The following MYO10 variants were observed in gnomAD, a reference collection of about 807,000 sequenced individuals.
The protein encoded by MYO10 is myosin X, also known as unconventional myosin-X.
A neutral mutation model predicts 257.3 loss-of-function variants in MYO10; 133 were observed. The ratio of observed to expected loss-of-function variants is 0.52; its 90% CI spans 0.45 to 0.60. The LOEUF (loss-of-function observed/expected upper bound fraction) is 0.60, where lower values mean the gene tolerates loss of function less well. Among genes scored for constraint, MYO10 ranks in the 20% least tolerant of loss-of-function variants. The probability of loss-of-function intolerance (pLI) is 0.00; values close to 1 mark genes in which losing one functional copy is unlikely to be tolerated. For missense variants in MYO10, 2,399 were observed against 2,635.7 expected (o/e 0.91, Z 1.97); for synonymous variants, 1,104 against 1,028.6 (o/e 1.07, Z -1.40).
chr5:16,862,617 A>G (rs563596017), intron 2 of MYO10, among the ~76,000 whole-genome samples: 1 of 152,346 alleles, frequency 6.6e-6, no homozygotes, highest in Admixed American at 6.5e-5. Flanking sequence ...GCATTCAAAT[A>G]AAAGAATTAC....
intron 1 of MYO10, among the ~76,000 whole-genome samples, chr5:16,879,953 A>T (rs573826062): frequency 6.6e-6 from 1 of 152,282 alleles, no homozygotes; most frequent in African/African-American, 2.4e-5. Context: ...CGAGATGGGT[A>T]GATCACTTGA....
intron 2 of MYO10, among the ~76,000 whole-genome samples, chr5:16,855,860 A>G (rs79023300): frequency 0.012 from 1,847 of 151,948 alleles, 34 homozygotes; most frequent in Middle Eastern, 0.034. Context: ...TCATTCCAGG[A>G]GACTGAAATG....
At position 16,794,696 on chromosome 5, in the gene MYO10, C is replaced by T. The variant is rs1741877980; in HGVS notation, c.417G>A (p.Glu139=). 6.2e-7 allele frequency: 1 copy of T among 1,613,584 alleles called. No homozygotes were observed. Among genetic ancestry groups the T allele is most frequent in the Non-Finnish European group, 8.5e-7 (1 of 1,179,742 alleles). ...GGCGCTTCCACAGGCAGCGGTAGCACTCGTTGGCGATGGCGAAGATGTGCG... is the reference window on the plus strand; with the variant it reads ...GGCGCTTCCACAGGCAGCGGTAGCATTCGTTGGCGATGGCGAAGATGTGCG... ...LPPHIFAIAN[E]CYRCLWKRHD... The change falls in exon 4 of 41, where the codon GAG becomes GAA. Residue 139 remains glutamate (E), a synonymous_variant. Coordinates refer to ENST00000513610, the MANE Select transcript of MYO10 (RefSeq NM_012334.3).
chr5:16,753,577 T>C (rs1740445058), intron 19 of MYO10, among the ~76,000 whole-genome samples: 1 of 151,234 alleles, frequency 6.6e-6, no homozygotes, highest in Non-Finnish European at 1.5e-5. Context: ...TTCAAGTGAT[T>C]CTCGTGCCTC....
intron 29 of MYO10, among the ~76,000 whole-genome samples, 179 bp downstream of exon 29, chr5:16,685,559 T>G (rs1737211983): frequency 6.6e-6 from 1 of 152,120 alleles, no homozygotes; most frequent in African/African-American, 2.4e-5. Context: ...CTTATTATAT[T>G]TATTATTGTA....
In MYO10 at chr5:16,810,374, C is replaced by T. The variant is rs111438955; in HGVS notation, c.279+7635G>A. Among the ~76,000 whole-genome samples, 6 of 152,278 alleles carry T rather than the reference C, an allele frequency of 3.9e-5. 1 individual carries two copies. The highest frequency in any genetic ancestry group is 1.4e-4 in the African/African-American group (6 of 41,554). ...CTCCCATCTCTACCCTGGTCTAAAA[C>T]CCTCAGCCCTCCCCTACTGAATTAC... On this transcript the variant is annotated intron_variant, in intron 3 of 40. Transcript: ENST00000513610.
chr5:16,935,178 CA>C (rs1746400005), intron 1 of MYO10, among the ~76,000 whole-genome samples: 1 of 152,116 alleles, frequency 6.6e-6, no homozygotes, highest in Non-Finnish European at 1.5e-5. Flanking sequence ...CATTCGAATT[CA>C]AAATCTGCAT....
At chr5:16,803,024 G>A (rs971615689) in intron 3 of MYO10, among the ~76,000 whole-genome samples, 5 of 152,034 alleles carry the variant, frequency 3.3e-5, no homozygotes, top group African/African-American at 1.2e-4. Flanking sequence ...AGGATGGCTT[G>A]AGCCCAGGAG....
rs1004016499 is a variant in MYO10, at chr5:16,754,914, A to G, written c.1849-6T>C. ...ATTAAGGAATGCAGTGAGTCCTATT[A>G]GAAAAAGTATATGTTGATTTAGTCT... On this transcript the variant is annotated splice_polypyrimidine_tract_variant and splice_region_variant and intron_variant, in intron 18 of 40. Transcript: ENST00000513610. 6.4e-7 allele frequency: 1 copy of G among 1,556,540 alleles called. No individual in the cohort carries two copies. The highest frequency in any genetic ancestry group is 1.8e-5 in the Admixed American group (1 of 56,268).
chr5:16,777,655 T>A (rs1306445856), intron 9 of MYO10, among the ~76,000 whole-genome samples: 1 of 152,046 alleles, frequency 6.6e-6, no homozygotes, highest in Non-Finnish European at 1.5e-5. Flanking sequence ...AAGGTTAGGC[T>A]GGTCACTAAC....
chr5:16,865,499 A>T (rs939971379), intron 2 of MYO10, among the ~76,000 whole-genome samples: 6 of 152,260 alleles, frequency 3.9e-5, no homozygotes, highest in African/African-American at 1.4e-4. Context: ...TTTGTAAAAC[A>T]GTACAAAAAA....
rs775477022 is a variant in MYO10, at chr5:16,694,471, A to C, written c.3700T>G (p.Trp1234Gly). The C allele has an allele frequency of 1.2e-6, 2 of 1,613,834 alleles. No individual in the cohort carries two copies. Among genetic ancestry groups the C allele is most frequent in the African/African-American group, 2.7e-5 (2 of 74,910 alleles). ...CGGAGGACAAACCAGCGCTTCTTCC[A>C]ATTTCTCCTGGACAGCGTGGAGGAG... ...GGSSTLSRRN[W>G]KKRWFVLRQS... is the part of the protein sequence containing the mutation. The change falls in exon 27 of 41, where the codon TGG becomes GGG. Residue 1234 changes from tryptophan to glycine, a missense_variant. This residue lies in a region of MYO10 where 1,820 missense variants were observed against 1,939.4 expected (regional missense o/e 0.94). Transcript: ENST00000513610.
At chr5:16,761,941 G>A in intron 16 of MYO10, 104 bp downstream of exon 16, 2 of 1,221,810 alleles carry the variant, frequency 1.6e-6, no homozygotes, top group Non-Finnish European at 1.1e-6. Flanking sequence ...GCTCATGTGA[G>A]CCACCATGCC....
rs570263510 is a variant in MYO10, at chr5:16,931,926, T to C, written c.21+3862A>G. ...CAATAGATCACAAACAAAAAAAATA[T>C]ACAACCAAATGGGGAGAAAATTGGC... On this transcript the variant is annotated intron_variant, in intron 1 of 40. Transcript: ENST00000513610. 2.2e-3 allele frequency among the ~76,000 whole-genome samples: 338 copies of C among 152,278 alleles called. 2 individuals carry two copies. Among genetic ancestry groups the C allele is most frequent in the Admixed American group, 4.6e-3 (71 of 15,296 alleles).
At chr5:16,669,729 T>C (rs1736353392) in intron 39 of MYO10, among the ~76,000 whole-genome samples, 1 of 152,198 alleles carries the variant, frequency 6.6e-6, no homozygotes, top group African/African-American at 2.4e-5. Flanking sequence ...ATATTTAGAA[T>C]TTTATACAGC....
At position 16,881,947 on chromosome 5, in the gene MYO10, C is replaced by T. The variant is rs182637307; in HGVS notation, c.22-4240G>A. On this transcript the variant is annotated intron_variant, in intron 1 of 40. Coordinates refer to ENST00000513610, the MANE Select transcript of MYO10 (RefSeq NM_012334.3). Reference sequence around the variant, plus strand: ...CAACCTAGCATATGGAAAAGGCTCACAATTTGATTAAAAAATTGCCTTTAT... The same window carrying T: ...CAACCTAGCATATGGAAAAGGCTCATAATTTGATTAAAAAATTGCCTTTAT... 6.8e-5 allele frequency among the ~76,000 whole-genome samples: 10 copies of T among 146,990 alleles called. No homozygotes were observed. In the East Asian group the frequency reaches 1.7e-3, roughly 26 times the overall value.
chr5:16,833,047 G>A (rs916819601), intron 2 of MYO10, among the ~76,000 whole-genome samples: 4 of 152,100 alleles, frequency 2.6e-5, no homozygotes, highest in Admixed American at 2.0e-4. Flanking sequence ...TGGGGCTCCA[G>A]TACTAACATC....
intron 17 of MYO10, among the ~76,000 whole-genome samples, chr5:16,759,389 C>T (rs747204876): frequency 1.6e-4 from 24 of 152,086 alleles, no homozygotes; most frequent in Non-Finnish European, 3.5e-4. Flanking sequence ...TCTTGCTTTG[C>T]CCCAACCTTT....
At chr5:16,678,372 G>A (rs1736833710) in intron 33 of MYO10, among the ~76,000 whole-genome samples, 1 of 152,022 alleles carries the variant, frequency 6.6e-6, no homozygotes, top group Admixed American at 6.6e-5. Flanking sequence ...CTGAGGTCAG[G>A]AGTTGGAGTC....
Sources: allele counts gnomAD v4.1 joint callset (sites outside exome capture counted in the v4.1 genomes callset), GRCh38; gene constraint gnomAD v4.1.1; regional missense constraint gnomAD v4.1.1; transcripts MANE v1.5; gene names NCBI Gene and HGNC (gene_info 2026-07-23, HGNC 2026-07-21).